TNNI3K: variants seen among roughly 807,000 people sequenced by gnomAD.
TNNI3K encodes TNNI3 interacting kinase.
Under a neutral mutation model 114.5 loss-of-function variants are expected in TNNI3K, and 140 were observed. That is an observed-to-expected ratio of 1.22 (90% confidence interval 1.07 to 1.41). The LOEUF (loss-of-function observed/expected upper bound fraction) is 1.41, where lower values mean the gene tolerates loss of function less well. TNNI3K is among the 40% of genes most tolerant of loss of function. TNNI3K has a pLI of 0.00. For synonymous variants in TNNI3K, 347 were observed against 347.5 expected (o/e 1.00, Z 0.02); for missense variants, 1,125 against 1,007.6 (o/e 1.12, Z -1.58).
intron 11 of TNNI3K, among the ~76,000 whole-genome samples, chr1:74,367,012 C>G (rs1662307087): frequency 6.6e-6 from 1 of 151,988 alleles, no homozygotes; most frequent in Non-Finnish European, 1.5e-5. Context: ...ACCATAGTCA[C>G]TTTGTTCACT....
intron 5 of TNNI3K, among the ~76,000 whole-genome samples, chr1:74,312,046 C>G (rs1659023441): frequency 6.6e-6 from 1 of 152,118 alleles, no homozygotes; most frequent in African/African-American, 2.4e-5. Flanking sequence ...CTCCCTTGCT[C>G]TTTTAGAAGA....
At chr1:74,296,001 C>A (rs1570432204) in intron 5 of TNNI3K, among the ~76,000 whole-genome samples, 1 of 152,004 alleles carries the variant, frequency 6.6e-6, no homozygotes, top group African/African-American at 2.4e-5. Context: ...TTGGGCCGGG[C>A]GCCATGGCTC....
At chr1:74,395,302 G>T (rs1664020166) in intron 17 of TNNI3K, among the ~76,000 whole-genome samples, 2 of 149,178 alleles carry the variant, frequency 1.3e-5, no homozygotes, top group Non-Finnish European at 3.0e-5. Context: ...TTGGACAGGT[G>T]AGTTTATTTC....
At chr1:74,255,513 A>C (rs1345899590) in intron 4 of TNNI3K, among the ~76,000 whole-genome samples, 1 of 152,214 alleles carries the variant, frequency 6.6e-6, no homozygotes, top group East Asian at 1.9e-4. Flanking sequence ...TCAATAGAGT[A>C]ATCTCTGCTT....
intron 5 of TNNI3K, among the ~76,000 whole-genome samples, chr1:74,272,290 A>G (rs983121083): frequency 6.6e-6 from 1 of 151,938 alleles, no homozygotes; most frequent in African/African-American, 2.4e-5. Flanking sequence ...AAAATAGACA[A>G]TAAAGACAAG....
chr1:74,341,980 C>T (rs1421212784), intron 7 of TNNI3K: 1 of 151,990 alleles, frequency 6.6e-6, no homozygotes, highest in Non-Finnish European at 1.5e-5. Context: ...GGTATCCAGA[C>T]CAGGGAACTG....
At chr1:74,399,739 TG>T (rs1196946658) in intron 17 of TNNI3K, among the ~76,000 whole-genome samples, 3 of 152,172 alleles carry the variant, frequency 2.0e-5, no homozygotes, top group Admixed American at 1.3e-4. Context: ...GCTCTGTTAT[TG>T]GGGGTGGATG....
At position 74,474,284 on chromosome 1, in the gene TNNI3K, G is replaced by C. The variant is rs137868170; in HGVS notation, c.2121+10734G>C. On this transcript the variant is annotated intron_variant, in intron 21 of 24. Coordinates refer to ENST00000326637, the MANE Select transcript of TNNI3K (RefSeq NM_015978.3). ...CTTATTTCTTTATAAAATAAAGCCAGTCTGACCTGGTTTCTATGGCATATG... is the reference window on the plus strand; with the variant it reads ...CTTATTTCTTTATAAAATAAAGCCACTCTGACCTGGTTTCTATGGCATATG... Among the ~76,000 whole-genome samples, 6 of 152,242 alleles carry C rather than the reference G, an allele frequency of 3.9e-5. No homozygotes were observed. In the East Asian group the frequency reaches 1.2e-3, roughly 29 times the overall value.
chr1:74,296,262 C>A, intron 5 of TNNI3K, among the ~76,000 whole-genome samples: 1 of 146,856 alleles, frequency 6.8e-6, no homozygotes, highest in African/African-American at 2.5e-5. Context: ...GGTGACAGAG[C>A]AAGACTCCGT....
chr1:74,290,980 T>C (rs151151276), intron 5 of TNNI3K, among the ~76,000 whole-genome samples: 195 of 151,864 alleles, frequency 1.3e-3, no homozygotes, highest in African/African-American at 4.5e-3. Context: ...TTTGTAAACA[T>C]ATGTATTTTA....
chr1:74,541,578 C>T (rs745455132), intron 24 of TNNI3K: 8 of 152,164 alleles, frequency 5.3e-5, no homozygotes, highest in Admixed American at 3.3e-4. Context: ...TCCTTTGAAA[C>T]ATTTGCTTTG....
At chr1:74,261,210 A>G (rs1489944377) in intron 4 of TNNI3K, among the ~76,000 whole-genome samples, 6 of 151,984 alleles carry the variant, frequency 3.9e-5, no homozygotes, top group Non-Finnish European at 7.4e-5. Context: ...TTGATATTAA[A>G]ATTTATAATC....
intron 20 of TNNI3K, among the ~76,000 whole-genome samples, chr1:74,455,798 G>A (rs1667202902): frequency 6.6e-6 from 1 of 152,160 alleles, no homozygotes; most frequent in South Asian, 2.1e-4. Context: ...GGGCCCTCAA[G>A]GCATTGGATG....
chr1:74,370,279 A>T lies in TNNI3K; in HGVS notation c.1668-9A>T. On this transcript the variant is annotated splice_polypyrimidine_tract_variant and intron_variant, in intron 16 of 24. Coordinates refer to ENST00000326637, the MANE Select transcript of TNNI3K (RefSeq NM_015978.3). ...TTTCATCTCTGTTAAATCTATTTTT[A>T]AATTCTAGGATTCTTGATTTGCAGT... 6.3e-7 allele frequency: 1 copy of T among 1,578,942 alleles called. No individual in the cohort carries two copies. The highest frequency in any genetic ancestry group is 1.2e-5 in the South Asian group (1 of 85,612).
chr1:74,301,189 C>T (rs1440302910), intron 5 of TNNI3K, among the ~76,000 whole-genome samples: 1 of 152,116 alleles, frequency 6.6e-6, no homozygotes. Context: ...CACCTGAGGT[C>T]AGGAGTTTGA....
At chr1:74,376,880 C>T (rs1052716423) in intron 17 of TNNI3K, 10 of 151,516 alleles carry the variant, frequency 6.6e-5, no homozygotes, top group South Asian at 2.1e-4. Flanking sequence ...GCATGTCTTA[C>T]GTTGGGCCTG....
At chr1:74,239,266 T>C (rs916621180) in intron 2 of TNNI3K, among the ~76,000 whole-genome samples, 2 of 152,128 alleles carry the variant, frequency 1.3e-5, no homozygotes, top group Admixed American at 1.3e-4. Context: ...CTAAGGATTT[T>C]CTTTTCTTTG....
At chr1:74,246,440 T>C (rs1654557822) in intron 2 of TNNI3K, among the ~76,000 whole-genome samples, 1 of 152,174 alleles carries the variant, frequency 6.6e-6, no homozygotes, top group Admixed American at 6.5e-5. Context: ...GGAATCAGTG[T>C]CCATAAATAA....
chr1:74,296,810 A>AT (rs1658017159), intron 5 of TNNI3K, among the ~76,000 whole-genome samples: 1 of 152,102 alleles, frequency 6.6e-6, no homozygotes. Flanking sequence ...ACTGTTGCTT[A>AT]TTTGATAGTA....
Sources: gnomAD v4.1 joint callset for allele counts (sites outside exome capture counted in the v4.1 genomes callset) on GRCh38, gnomAD v4.1.1 for gene constraint, MANE v1.5 for transcripts, NCBI Gene and HGNC (gene_info 2026-07-23, HGNC 2026-07-21) for gene names.